Variants in CCDC73 observed in about 807,000 individuals in gnomAD.
CCDC73 encodes the protein coiled-coil domain-containing protein 73.
CCDC73 carries 95 observed loss-of-function variants against 116.5 expected under a neutral mutation model. The observed-to-expected ratio is 0.82, with a 90% CI of 0.69 to 0.97. The LOEUF (loss-of-function observed/expected upper bound fraction) is 0.97, where lower values mean the gene tolerates loss of function less well. CCDC73 is among the 50% of genes least tolerant of loss of function. The pLI is 0.00. For synonymous variants in CCDC73, 398 were observed against 401.3 expected, an observed-to-expected ratio of 0.99 and a Z score of 0.10; for missense variants, 1,066 against 1,206.8, an observed-to-expected ratio of 0.88 and a Z score of 1.73.
At chr11:32,777,155 G>A (rs1213201145) in intron 1 of CCDC73, among the ~76,000 whole-genome samples, 1 of 141,244 alleles carries the variant, frequency 7.1e-6, no homozygotes, top group Admixed American at 7.2e-5. Flanking sequence ...CTGGAGTGTA[G>A]TGGTGCAATC....
the CCDC73 span, chr11:32,829,825 C>A: frequency 5.1e-6 from 5 of 985,404 alleles, no homozygotes; most frequent in Non-Finnish European, 6.0e-6. Flanking sequence ...CGCGGGCTCC[C>A]GGGAGACGCC....
intron 17 of CCDC73, among the ~76,000 whole-genome samples, chr11:32,607,334 C>T (rs370266597): frequency 7.9e-5 from 12 of 151,414 alleles, no homozygotes; most frequent in South Asian, 2.1e-4. Context: ...CCTCGTGATC[C>T]GCCCGCCTCG....
intron 1 of CCDC73, among the ~76,000 whole-genome samples, chr11:32,764,660 T>C (rs1850424034): frequency 6.6e-6 from 1 of 152,106 alleles, no homozygotes; most frequent in Non-Finnish European, 1.5e-5. Context: ...TGCAAAAACA[T>C]GCCAAAATGT....
the CCDC73 span, chr11:32,830,004 G>T: frequency 2.0e-6 from 2 of 985,812 alleles, no homozygotes; most frequent in Non-Finnish European, 2.4e-6. Context: ...GCGAACCCCA[G>T]GCCCTTCCCA....
At chr11:32,739,484 T>G (rs542131687) in intron 2 of CCDC73, among the ~76,000 whole-genome samples, 1 of 152,292 alleles carries the variant, frequency 6.6e-6, no homozygotes, top group Non-Finnish European at 1.5e-5. Context: ...CTTTCTTGAC[T>G]TCTTTTTCAG....
chr11:32,687,944 G>A (rs1856218202), intron 6 of CCDC73, among the ~76,000 whole-genome samples: 1 of 152,110 alleles, frequency 6.6e-6, no homozygotes, highest in Non-Finnish European at 1.5e-5. Flanking sequence ...CAACCAGCTT[G>A]AATGGACTCC....
At chr11:32,812,016 T>A in the CCDC73 span, among the ~76,000 whole-genome samples, 1 of 152,096 alleles carries the variant, frequency 6.6e-6, no homozygotes, top group Non-Finnish European at 1.5e-5. Context: ...TGTCTTCTAC[T>A]GAATGGGGGT....
intron 2 of CCDC73, among the ~76,000 whole-genome samples, chr11:32,751,860 C>T (rs1168271796): frequency 6.6e-6 from 1 of 152,156 alleles, no homozygotes; most frequent in Non-Finnish European, 1.5e-5. Context: ...CTTGCCCCCA[C>T]CCTCAAAACT....
Position 32,645,733 on chromosome 11 carries a change from TGCA to T in CCDC73, c.940-3654_940-3652del, listed in dbSNP as rs1215401451. Among the ~76,000 whole-genome samples the T allele has an allele frequency of 7.9e-5, 12 of 152,314 alleles. No individual in the cohort carries two copies. In the South Asian group the frequency reaches 2.5e-3, roughly 32 times the overall value. On this transcript the variant is annotated intron_variant, in intron 12 of 17. Coordinates refer to ENST00000335185, the MANE Select transcript of CCDC73 (RefSeq NM_001008391.4). ...TATGTACTACACTTTTATATGACAGTGCAGCAGGTTTGTTTATACTAGCATTAC... is the reference window on the plus strand; with the variant it reads ...TATGTACTACACTTTTATATGACAGTGCAGGTTTGTTTATACTAGCATTAC...
rs552442479 is a variant in CCDC73, at chr11:32,628,633, T to G, written c.1185+7063A>C. On this transcript the variant is annotated intron_variant, in intron 14 of 17. Coordinates refer to ENST00000335185, the MANE Select transcript of CCDC73 (RefSeq NM_001008391.4). ...TCTAGGGCTATTCTAGATGCTTCCA[T>G]AAGTTTAAAAATAAACCTCAAAATG... is the stretch of plus-strand genomic sequence containing the variant. Among the ~76,000 whole-genome samples the G allele has an allele frequency of 2.6e-5, 4 of 152,300 alleles. No individual in the cohort carries two copies. In the South Asian group the frequency reaches 6.2e-4, roughly 24 times the overall value.
chr11:32,673,318 G>A (rs1206515418), intron 9 of CCDC73, among the ~76,000 whole-genome samples: 1 of 152,128 alleles, frequency 6.6e-6, no homozygotes, highest in East Asian at 1.9e-4. Context: ...GTGAGGACAG[G>A]AAGTATACAG....
intron 2 of CCDC73, among the ~76,000 whole-genome samples, chr11:32,749,863 ACTTTTTTTTTTTT>A (rs1590628802): frequency 6.9e-6 from 1 of 144,714 alleles, no homozygotes; most frequent in Admixed American, 7.0e-5. Context: ...CTCTCCTCTT[ACTTTTTTTTTTTT>A]CTTTTTTTTT....
intron 14 of CCDC73, among the ~76,000 whole-genome samples, chr11:32,621,892 A>T (rs1000423522): frequency 2.6e-5 from 4 of 152,256 alleles, no homozygotes; most frequent in Non-Finnish European, 4.4e-5. Flanking sequence ...TACAGGGCCA[A>T]TGAACATATG....
At position 32,766,902 on chromosome 11, in the gene CCDC73, A is replaced by G. The variant is rs183899921; in HGVS notation, c.-15-6644T>C. On this transcript the variant is annotated intron_variant, in intron 1 of 17. Coordinates refer to ENST00000335185, the MANE Select transcript of CCDC73 (RefSeq NM_001008391.4). ...TGAAAATGGCCATATTGCCCAAGGT[A>G]ATTTATAGATTCAATGCCATCCCCA... 1.1e-3 allele frequency among the ~76,000 whole-genome samples: 171 copies of G among 152,358 alleles called. 2 individuals carry two copies. The East Asian group carries it at 0.019, about 17-fold the overall frequency.
chr11:32,736,282 A>G (rs1850128133), intron 2 of CCDC73, among the ~76,000 whole-genome samples: 1 of 152,260 alleles, frequency 6.6e-6, no homozygotes, highest in Non-Finnish European at 1.5e-5. Context: ...GCTAATATCC[A>G]GAATCTACAA....
At chr11:32,676,310 A>G (rs534228759) in intron 7 of CCDC73, among the ~76,000 whole-genome samples, 1 of 152,322 alleles carries the variant, frequency 6.6e-6, no homozygotes, top group East Asian at 1.9e-4. Context: ...TTTATAAAAA[A>G]TGTTAATCAG....
upstream of CCDC73, among the ~76,000 whole-genome samples, chr11:32,795,558 T>G (rs532382800): frequency 1.3e-5 from 2 of 152,278 alleles, no homozygotes; most frequent in East Asian, 3.9e-4. Context: ...TCACACCTAT[T>G]TTAAGCACCT....
At chr11:32,610,235 C>T (rs1855408276) in intron 17 of CCDC73, among the ~76,000 whole-genome samples, 1 of 152,142 alleles carries the variant, frequency 6.6e-6, no homozygotes, top group Non-Finnish European at 1.5e-5. Flanking sequence ...GATTCAATTA[C>T]CTCCCACTGG....
intron 9 of CCDC73, among the ~76,000 whole-genome samples, chr11:32,661,543 A>T (rs183643920): frequency 3.5e-4 from 52 of 149,570 alleles, no homozygotes; most frequent in African/African-American, 1.2e-3. Context: ...GAGTGAGAAC[A>T]TGCGGTGTTT....
Sources: gnomAD v4.1 joint callset for allele counts (sites outside exome capture counted in the v4.1 genomes callset) on GRCh38, gnomAD v4.1.1 for gene constraint, MANE v1.5 for transcripts, NCBI Gene and HGNC (gene_info 2026-07-23, HGNC 2026-07-21) for gene names.